The following GABRB3 variants were observed in gnomAD, a reference collection of about 807,000 sequenced individuals.
GABRB3 encodes gamma-aminobutyric acid type A receptor subunit beta3.
In GABRB3, 14 loss-of-function variants were observed where a neutral mutation model predicts 52.1. The ratio of observed to expected loss-of-function variants is 0.27; its 90% CI spans 0.18 to 0.42. The LOEUF (loss-of-function observed/expected upper bound fraction) is 0.42, where lower values mean the gene tolerates loss of function less well. GABRB3 is among the 10% of genes least tolerant of loss of function. The probability of loss-of-function intolerance (pLI) is 1.00; values close to 1 mark genes in which losing one functional copy is unlikely to be tolerated. For synonymous variants in GABRB3, 260 were observed against 232.3 expected, an observed-to-expected ratio of 1.12 and a Z score of -1.08; for missense variants, 307 against 609.1, an observed-to-expected ratio of 0.50 and a Z score of 5.22.
At chr15:26,630,307 G>A (rs1032860007) in intron 3 of GABRB3, among the ~76,000 whole-genome samples, 16 of 152,172 alleles carry the variant, frequency 1.1e-4, no homozygotes, top group Admixed American at 7.2e-4. Context: ...ACAGGTTCCT[G>A]TGGACATTGC....
intron 3 of GABRB3, among the ~76,000 whole-genome samples, chr15:26,646,066 A>C (rs547423159): frequency 1.3e-5 from 2 of 152,304 alleles, no homozygotes; most frequent in East Asian, 3.9e-4. Flanking sequence ...ATGAGGTATA[A>C]TTTACACACC....
chr15:26,772,569 G>A (rs1159907485), intron 2 of GABRB3, 100 bp from the exon 3 acceptor site: 4 of 1,443,032 alleles, frequency 2.8e-6, no homozygotes, highest in Non-Finnish European at 3.8e-6. Flanking sequence ...CGGGCGAAGG[G>A]CCCCCACTCC....
At chr15:26,561,694 C>A (rs939904618) in intron 7 of GABRB3, among the ~76,000 whole-genome samples, 1 of 152,136 alleles carries the variant, frequency 6.6e-6, no homozygotes, top group Non-Finnish European at 1.5e-5. Flanking sequence ...TACTACAATG[C>A]TTATTGGAAG....
chr15:26,576,909 C>G (rs1444185126), intron 6 of GABRB3, among the ~76,000 whole-genome samples: 1 of 152,036 alleles, frequency 6.6e-6, no homozygotes. Context: ...TTACTCATAC[C>G]CTAGAAAGTA....
At chr15:26,684,154 G>A (rs1888328586) in intron 3 of GABRB3, among the ~76,000 whole-genome samples, 1 of 152,132 alleles carries the variant, frequency 6.6e-6, no homozygotes, top group African/African-American at 2.4e-5. Flanking sequence ...GGAAGTGGGG[G>A]TGAGGAATAT....
chr15:26,753,198 C>CCTTATTCTTAGTGTCG (rs1566830109), intron 3 of GABRB3, among the ~76,000 whole-genome samples: 1 of 151,880 alleles, frequency 6.6e-6, no homozygotes, highest in African/African-American at 2.4e-5. Context: ...TCTTAGTGTC[C>CCTTATTCTTAGTGTCG]CGTCACCGCA....
intron 4 of GABRB3, among the ~76,000 whole-genome samples, chr15:26,600,723 T>C (rs1489678888): frequency 1.2e-4 from 19 of 152,196 alleles, no homozygotes; most frequent in Admixed American, 1.2e-3. Flanking sequence ...TTACAGGAAT[T>C]GCTACAGGGA....
rs1306941491 is a variant in GABRB3, at chr15:26,554,205, A to T, written c.1081-6071T>A. Among the ~76,000 whole-genome samples the T allele has an allele frequency of 9.0e-4, 87 of 96,522 alleles. 4 individuals are homozygous for T. Among genetic ancestry groups the T allele is most frequent in the South Asian group, 2.4e-3 (7 of 2,946 alleles). 63.3% of individuals were successfully genotyped at this position (96,522 alleles called of 152,430 possible). ...ATATATATATACTATATATATATAT[A>T]TATAGTAGAAACAAGGTCTCTCTTT... On this transcript the variant is annotated intron_variant, in intron 8 of 8. Transcript: ENST00000311550.
At chr15:26,594,780 C>T (rs1236773948) in intron 4 of GABRB3, among the ~76,000 whole-genome samples, 2 of 152,132 alleles carry the variant, frequency 1.3e-5, no homozygotes, top group East Asian at 1.9e-4. Context: ...CCTCCTAAAG[C>T]ACTAAGATTA....
In GABRB3 at chr15:26,735,729, G is replaced by A. The variant is rs150786040; in HGVS notation, c.240+36673C>T. Among the ~76,000 whole-genome samples the A allele has an allele frequency of 2.0e-4, 30 of 152,138 alleles. No individual in the cohort carries two copies. In the East Asian group the frequency reaches 3.1e-3, roughly 16 times the overall value. On this transcript the variant is annotated intron_variant, in intron 3 of 8. Transcript: ENST00000311550. ...TTTGGGAGGTCAAGGCAAAAGGATC[G>A]CTTGAGCCCAAAAGTTTGAGACCAG...
At chr15:26,703,926 C>T (rs745827242) in intron 3 of GABRB3, among the ~76,000 whole-genome samples, 1 of 152,186 alleles carries the variant, frequency 6.6e-6, no homozygotes, top group Non-Finnish European at 1.5e-5. Flanking sequence ...AAGTCAAATG[C>T]CTGTGGCTCT....
At position 26,701,285 on chromosome 15, in the gene GABRB3, G is replaced by T. The variant is rs553556901; in HGVS notation, c.240+71117C>A. Among the ~76,000 whole-genome samples, 140 of 152,190 alleles carry T rather than the reference G, an allele frequency of 9.2e-4. 5 individuals are homozygous for T. In the South Asian group the frequency reaches 0.028, roughly 31 times the overall value. ...TGGGGGGAAAAAAATAGAGAGAAAA[G>T]CCATCTAGATTGGAAAGGATGGGGC... On this transcript the variant is annotated intron_variant, in intron 3 of 8. Coordinates refer to ENST00000311550, the MANE Select transcript of GABRB3 (RefSeq NM_000814.6).
chr15:26,660,245 G>T (rs1391918309), intron 3 of GABRB3, among the ~76,000 whole-genome samples: 1 of 150,486 alleles, frequency 6.6e-6, no homozygotes, highest in African/African-American at 2.5e-5. Flanking sequence ...AAAAAAAAAA[G>T]AAGGGAAAAT....
chr15:26,664,346 G>A (rs1566796204), intron 3 of GABRB3, among the ~76,000 whole-genome samples: 1 of 152,092 alleles, frequency 6.6e-6, no homozygotes, highest in Non-Finnish European at 1.5e-5. Context: ...AAACTCATGA[G>A]AGGGGCAGCC....
intron 5 of GABRB3, chr15:26,581,222 G>C (rs1890776949): frequency 6.5e-6 from 1 of 153,252 alleles, no homozygotes; most frequent in African/African-American, 2.4e-5. Flanking sequence ...TAAAACATTA[G>C]GTCAATTTTG....
intron 3 of GABRB3, among the ~76,000 whole-genome samples, chr15:26,680,320 C>A (rs1451288819): frequency 6.6e-6 from 1 of 152,218 alleles, no homozygotes; most frequent in Non-Finnish European, 1.5e-5. Context: ...CCTATTGGTT[C>A]TCTTTCTCTG....
chr15:26,603,587 T>C (rs919207300), intron 4 of GABRB3, among the ~76,000 whole-genome samples: 4 of 152,066 alleles, frequency 2.6e-5, no homozygotes, highest in Non-Finnish European at 4.4e-5. Context: ...GACCAAATGG[T>C]ATTTATTCCA....
intron 8 of GABRB3, among the ~76,000 whole-genome samples, chr15:26,552,355 C>T (rs2928697): frequency 0.23 from 35,706 of 152,132 alleles, 4,363 homozygotes; most frequent in Admixed American, 0.28. Context: ...GGATGATTAG[C>T]AGCAAAACTC....
At position 26,548,138 on chromosome 15, in the gene GABRB3, A is replaced by T; in HGVS notation, c.1081-4T>A. 1 of 1,612,038 alleles carries T rather than the reference A, an allele frequency of 6.2e-7. No homozygotes were observed. The highest frequency in any genetic ancestry group is 2.2e-5 in the East Asian group (1 of 44,852). ...GAATATTTCCATGAGCATCCACCTA[A>T]TTGGACGGAAAATGCACATGGTTAG... On this transcript the variant is annotated splice_region_variant and splice_polypyrimidine_tract_variant and intron_variant, in intron 8 of 8. Transcript: ENST00000311550.
Sources: allele counts gnomAD v4.1 joint callset (sites outside exome capture counted in the v4.1 genomes callset), GRCh38; gene constraint gnomAD v4.1.1; transcripts MANE v1.5; gene names NCBI Gene and HGNC (gene_info 2026-07-23, HGNC 2026-07-21).